Variants in USP30 observed in about 807,000 individuals in gnomAD.
USP30 encodes the protein ubiquitin carboxyl-terminal hydrolase 30.
Under a neutral mutation model 68.2 loss-of-function variants are expected in USP30, and 41 were observed. The observed-to-expected ratio is 0.60, with a 90% confidence interval of 0.47 to 0.78. The LOEUF (loss-of-function observed/expected upper bound fraction) is 0.78, where lower values mean the gene tolerates loss of function less well. Ranked by LOEUF, USP30 falls within the 30% of genes least tolerant of loss-of-function variation. The pLI is 0.00. For synonymous variants in USP30, 229 were observed against 253.7 expected, an observed-to-expected ratio of 0.90 and a Z score of 0.93; for missense variants, 522 against 649.4, an observed-to-expected ratio of 0.80 and a Z score of 2.13.
At position 109,072,405 on chromosome 12, in the gene USP30, TA is replaced by T. The variant is rs111329986; in HGVS notation, c.625+57del. Reference sequence around the variant, plus strand: ...TAAGATGTGGACTTTTAAGATATGATAATAATTTGCTTGTTTTAAAAAGATT... The same window carrying T: ...TAAGATGTGGACTTTTAAGATATGATATAATTTGCTTGTTTTAAAAAGATT... On this transcript the variant is annotated intron_variant, in intron 6 of 12. Transcript: ENST00000257548. The T allele has an allele frequency of 1.0e-3, 1,620 of 1,552,772 alleles. 13 individuals carry two copies. In the African/African-American group the frequency reaches 0.017, roughly 16 times the overall value.
At chr12:109,042,854 A>G (rs2040574319) in intron 3 of USP30, among the ~76,000 whole-genome samples, 1 of 152,202 alleles carries the variant, frequency 6.6e-6, no homozygotes, top group African/African-American at 2.4e-5. Flanking sequence ...AGAAAACCTT[A>G]AAGAGTCCAG....
chr12:109,042,371 G>T (rs2040570989), intron 3 of USP30, among the ~76,000 whole-genome samples: 1 of 152,164 alleles, frequency 6.6e-6, no homozygotes, highest in South Asian at 2.1e-4. Flanking sequence ...CCAAAGGCAA[G>T]CAATGTGTGC....
intron 3 of USP30, among the ~76,000 whole-genome samples, chr12:109,059,303 T>C (rs1348243346): frequency 6.6e-6 from 1 of 152,254 alleles, no homozygotes; most frequent in Non-Finnish European, 1.5e-5. Flanking sequence ...CAAGTGATTC[T>C]TGTGCCTCAG....
In USP30 at chr12:109,081,338, C is replaced by T. The variant is rs763033659; in HGVS notation, c.725C>T (p.Pro242Leu). Residue 242 changes from proline to leucine, a missense_variant, in exon 8 of 13, where the codon CCT becomes CTT. Pro to Leu is a moderately conservative substitution (Grantham distance 98). Transcript: ENST00000257548. ...TTTCTGCAATATTTCTTTCAGAGTC[C>T]TGTTCGATTTGATACCTTTGATAGC... Reference protein sequence around the residue: ...MVCKHCEHQSPVRFDTFDSLS... With the variant: ...MVCKHCEHQSLVRFDTFDSLS... 1.5e-5 allele frequency: 25 copies of T among 1,613,950 alleles called. No individual in the cohort carries two copies. The highest frequency in any genetic ancestry group is 2.0e-5 in the Non-Finnish European group (24 of 1,180,024).
chr12:109,083,424 T>G (rs1473569386), intron 11 of USP30, among the ~76,000 whole-genome samples: 2 of 152,126 alleles, frequency 1.3e-5, no homozygotes, highest in Non-Finnish European at 2.9e-5. Context: ...AGAGGAAATG[T>G]AGGGAGGACA....
intron 3 of USP30, among the ~76,000 whole-genome samples, chr12:109,034,171 C>T (rs1433317): frequency 0.52 from 78,376 of 151,952 alleles, 20,697 homozygotes; most frequent in East Asian, 0.67. Flanking sequence ...ACTTGTACCT[C>T]GTGTTTTTAT....
Position 109,075,692 on chromosome 12 carries a change from G to A in USP30, c.720+2160G>A, listed in dbSNP as rs917805003. Among the ~76,000 whole-genome samples, 8 of 152,100 alleles carry A rather than the reference G, an allele frequency of 5.3e-5. No individual in the cohort carries two copies. The South Asian group carries it at 8.3e-4, about 16-fold the overall frequency. ...GTAATAGCCATCCTAACAGGTGTGC[G>A]GTGATAGCTCTTTATGGTTTTATTT... On this transcript the variant is annotated intron_variant, in intron 7 of 12. Coordinates refer to ENST00000257548, the MANE Select transcript of USP30 (RefSeq NM_032663.5).
At chr12:109,055,401 T>TATATATATACATATATATATATACA (rs61062424) in intron 1 of USP30, among the ~76,000 whole-genome samples, 4 of 29,634 alleles carry the variant, frequency 1.3e-4, no homozygotes, top group Non-Finnish European at 2.6e-4. Flanking sequence ...TATATATATA[T>TATATATATACATATATATATATACA]TTTTTTTTTT....
chr12:109,034,866 A>G (rs2135664218), intron 3 of USP30, among the ~76,000 whole-genome samples: 1 of 151,940 alleles, frequency 6.6e-6, no homozygotes, highest in African/African-American at 2.4e-5. Flanking sequence ...TTTTATCATT[A>G]TAAAGATTTT....
intron 11 of USP30, among the ~76,000 whole-genome samples, chr12:109,083,981 T>G (rs545577645): frequency 1.3e-5 from 2 of 152,128 alleles, no homozygotes; most frequent in Admixed American, 6.5e-5. Flanking sequence ...TGGTTTTAAA[T>G]CAAAGACCTC....
intron 3 of USP30, among the ~76,000 whole-genome samples, chr12:109,031,847 T>C (rs539853628): frequency 2.0e-5 from 3 of 152,318 alleles, no homozygotes; most frequent in African/African-American, 7.2e-5. Flanking sequence ...CTCGGGCTTG[T>C]AATCCTAGCA....
chr12:109,084,022 G>A (rs1419225673), intron 11 of USP30, among the ~76,000 whole-genome samples: 1 of 152,100 alleles, frequency 6.6e-6, no homozygotes, highest in East Asian at 1.9e-4. Flanking sequence ...TCCTGGGCTG[G>A]GGTGCAGGTT....
At position 109,032,876 on chromosome 12, in the gene USP30, C is replaced by T. The variant is rs144500722; in HGVS notation, c.-136+5320C>T. On this transcript the variant is annotated intron_variant, in intron 3 of 15. Transcript: ENST00000392784. ...AAGCCAGATGGGTTTTATTTCACACCAGAGCAATGCATCATGATTTCCCCC... is the reference window on the plus strand; with the variant it reads ...AAGCCAGATGGGTTTTATTTCACACTAGAGCAATGCATCATGATTTCCCCC... 7.2e-3 allele frequency among the ~76,000 whole-genome samples: 1,097 copies of T among 152,226 alleles called. 16 individuals carry two copies. Among genetic ancestry groups the T allele is most frequent in the South Asian group, 0.057 (273 of 4,818 alleles).
chr12:109,072,280 T>C (rs767700973), intron 5 of USP30, 25 bp from the exon 6 acceptor site: 4 of 1,589,352 alleles, frequency 2.5e-6, no homozygotes, highest in Non-Finnish European at 3.5e-6. Flanking sequence ...GTTTTCAGTC[T>C]GTTTTTTTTT....
chr12:109,077,916 C>A (rs1360962079), intron 7 of USP30, among the ~76,000 whole-genome samples: 1 of 151,924 alleles, frequency 6.6e-6, no homozygotes, highest in Non-Finnish European at 1.5e-5. Flanking sequence ...ATGTAAAATC[C>A]TGGAATATTA....
At chr12:109,055,825 A>G (rs562418428) in intron 1 of USP30, among the ~76,000 whole-genome samples, 7 of 151,748 alleles carry the variant, frequency 4.6e-5, no homozygotes, top group East Asian at 3.9e-4. Flanking sequence ...TAAAAAAAAA[A>G]AAAAGAAAAG....
intron 3 of USP30, 25 bp from the exon 4 acceptor site, chr12:109,067,499 A>G: frequency 6.3e-7 from 1 of 1,597,524 alleles, no homozygotes. Flanking sequence ...GAATTTAATA[A>G]TTGTCTTACC....
chr12:109,080,255 G>A (rs187872869), intron 7 of USP30, among the ~76,000 whole-genome samples: 6 of 152,148 alleles, frequency 3.9e-5, no homozygotes, highest in East Asian at 1.9e-4. Context: ...GAACTCTGTC[G>A]TCTGACCACT....
chr12:109,077,630 A>C (rs755092887), intron 7 of USP30, among the ~76,000 whole-genome samples: 4 of 152,142 alleles, frequency 2.6e-5, no homozygotes, highest in African/African-American at 9.7e-5. Flanking sequence ...TGCTTAGTCC[A>C]TTTACATTTA....
Sources: gnomAD v4.1 joint callset for allele counts (sites outside exome capture counted in the v4.1 genomes callset) on GRCh38, gnomAD v4.1.1 for gene constraint, MANE v1.5 for transcripts, NCBI Gene and HGNC (gene_info 2026-07-23, HGNC 2026-07-21) for gene names.